The following ATXN1 variants were observed in gnomAD, a reference collection of about 807,000 sequenced individuals.
ATXN1 encodes ataxin 1.
Under a neutral mutation model 56.4 loss-of-function variants are expected in ATXN1, and 8 were observed. That is an observed-to-expected ratio of 0.14 (90% CI 0.08 to 0.26). ATXN1 has a LOEUF of 0.26. Among genes scored for constraint, ATXN1 ranks in the 10% least tolerant of loss-of-function variants. The probability of loss-of-function intolerance (pLI) is 1.00; values close to 1 mark genes in which losing one functional copy is unlikely to be tolerated. For missense variants in ATXN1, 987 were observed against 1,106.5 expected (o/e 0.89, Z 1.53); for synonymous variants, 514 against 494.6 (o/e 1.04, Z -0.52).
At chr6:16,616,563 A>T (rs1210215757) in intron 3 of ATXN1, among the ~76,000 whole-genome samples, 2 of 145,792 alleles carry the variant, frequency 1.4e-5, no homozygotes, top group African/African-American at 2.5e-5. Context: ...AATATATTTT[A>T]TATATAGTAT....
At chr6:16,595,952 CGA>C (rs1561771367) in intron 3 of ATXN1, among the ~76,000 whole-genome samples, 1 of 152,110 alleles carries the variant, frequency 6.6e-6, no homozygotes, top group African/African-American at 2.4e-5. Context: ...TAAACAGGAG[CGA>C]GAGACTTTCC....
At chr6:16,689,510 C>CTTTTTTTTTTTTTTTTTTTTTTTTTTT in intron 2 of ATXN1, among the ~76,000 whole-genome samples, 1 of 126,868 alleles carries the variant, frequency 7.9e-6, no homozygotes, top group African/African-American at 2.9e-5. Flanking sequence ...CTTTTTTTTT[C>CTTTTTTTTTTTTTTTTTTTTTTTTTTT]TTTTTTTTTT....
In ATXN1 at chr6:16,679,910, T is replaced by C. The variant is rs374028547; in HGVS notation, c.-614-22009A>G. 3.2e-3 allele frequency among the ~76,000 whole-genome samples: 492 copies of C among 152,336 alleles called. 7 individuals are homozygous for C. Among genetic ancestry groups the C allele is most frequent in the African/African-American group, 0.011 (466 of 41,584 alleles). On this transcript the variant is annotated intron_variant, in intron 2 of 7. Transcript: ENST00000436367. Reference sequence around the variant, plus strand: ...GTTAAAGGAACTGTAGGATCTCCTATTGAGTTCATAATGTGGTAATATTAA... The same window carrying C: ...GTTAAAGGAACTGTAGGATCTCCTACTGAGTTCATAATGTGGTAATATTAA...
At chr6:16,457,795 C>T (rs1365693364) in intron 6 of ATXN1, among the ~76,000 whole-genome samples, 1 of 152,176 alleles carries the variant, frequency 6.6e-6, no homozygotes, top group African/African-American at 2.4e-5. Flanking sequence ...TAATGATGAG[C>T]CTCCTCTAAT....
chr6:16,708,329 GAAAT>G (rs765505156), intron 2 of ATXN1, among the ~76,000 whole-genome samples: 13 of 151,708 alleles, frequency 8.6e-5, no homozygotes, highest in South Asian at 6.2e-4. Flanking sequence ...ACTATGAAGA[GAAAT>G]AAATAAATAA....
At chr6:16,502,336 A>C (rs528466804) in intron 5 of ATXN1, among the ~76,000 whole-genome samples, 29 of 152,346 alleles carry the variant, frequency 1.9e-4, no homozygotes, top group South Asian at 4.1e-4. Context: ...TACTTAAAAA[A>C]ATACACTTGA....
At chr6:16,582,992 T>C (rs1201400573) in intron 4 of ATXN1, among the ~76,000 whole-genome samples, 1 of 152,218 alleles carries the variant, frequency 6.6e-6, no homozygotes, top group Non-Finnish European at 1.5e-5. Context: ...TCCTGACCTA[T>C]ATTTGCTAAC....
intron 4 of ATXN1, among the ~76,000 whole-genome samples, chr6:16,562,063 G>A (rs961313414): frequency 3.3e-5 from 5 of 152,116 alleles, no homozygotes; most frequent in Non-Finnish European, 7.4e-5. Context: ...GAAAATAAAG[G>A]CAGATAAAGA....
intron 5 of ATXN1, among the ~76,000 whole-genome samples, chr6:16,491,062 C>G (rs903685265): frequency 4.7e-5 from 7 of 150,470 alleles, no homozygotes; most frequent in African/African-American, 1.7e-4. Context: ...TTGGATTTAG[C>G]CATGCCAGAA....
chr6:16,392,553 C>T (rs1024400075), intron 6 of ATXN1, among the ~76,000 whole-genome samples: 20 of 151,434 alleles, frequency 1.3e-4, no homozygotes, highest in East Asian at 3.9e-4. Flanking sequence ...TGGAGTGAAG[C>T]GGTGTAATCT....
intron 2 of ATXN1, among the ~76,000 whole-genome samples, chr6:16,676,973 C>T (rs1337344791): frequency 6.6e-6 from 1 of 152,036 alleles, no homozygotes; most frequent in Admixed American, 6.6e-5. Context: ...CAGATCTAGG[C>T]GTTTGTCTCA....
intron 4 of ATXN1, among the ~76,000 whole-genome samples, chr6:16,524,853 G>A (rs1407306879): frequency 1.3e-5 from 2 of 152,116 alleles, no homozygotes; most frequent in African/African-American, 4.8e-5. Context: ...AGGAGTTCAA[G>A]ACCAGCCTGG....
chr6:16,443,923 T>C (rs957458850), intron 6 of ATXN1, among the ~76,000 whole-genome samples: 7 of 152,136 alleles, frequency 4.6e-5, no homozygotes, highest in South Asian at 4.2e-4. Flanking sequence ...GAGACCATCC[T>C]GGCTAACACA....
At chr6:16,392,980 T>A (rs2113524181) in intron 6 of ATXN1, among the ~76,000 whole-genome samples, 1 of 152,302 alleles carries the variant, frequency 6.6e-6, no homozygotes. Flanking sequence ...GTAACTCTCA[T>A]AAGAGGTCAC....
intron 2 of ATXN1, among the ~76,000 whole-genome samples, chr6:16,666,182 T>C (rs1302822385): frequency 2.0e-5 from 3 of 152,220 alleles, no homozygotes; most frequent in African/African-American, 7.2e-5. Flanking sequence ...TTCTACTCTC[T>C]GTCTCCATGA....
rs116148844 is a variant in ATXN1 at position 16,470,205 on chromosome 6, G to A, written c.-161+15767C>T. On this transcript the variant is annotated intron_variant, in intron 6 of 7. Transcript: ENST00000436367. Reference sequence around the variant, plus strand: ...CACAGACAGACCTGAAGGACATTATGCTCAGTGAAATGAGCCAGGCACAAA... The same window carrying A: ...CACAGACAGACCTGAAGGACATTATACTCAGTGAAATGAGCCAGGCACAAA... 6.2e-3 allele frequency among the ~76,000 whole-genome samples: 948 copies of A among 152,240 alleles called. 5 individuals carry two copies. The highest frequency in any genetic ancestry group is 0.022 in the African/African-American group (896 of 41,544).
chr6:16,688,392 T>A (rs1050047754), intron 2 of ATXN1, among the ~76,000 whole-genome samples: 1 of 152,222 alleles, frequency 6.6e-6, no homozygotes, highest in Non-Finnish European at 1.5e-5. Flanking sequence ...AGTAGGGTTC[T>A]AAGCTCAACT....
chr6:16,543,056 G>A (rs1053155033), intron 4 of ATXN1, among the ~76,000 whole-genome samples: 9 of 152,110 alleles, frequency 5.9e-5, no homozygotes, highest in South Asian at 4.1e-4. Context: ...CACAGGGAAC[G>A]GAACACATTC....
chr6:16,544,230 C>T (rs1476137722), intron 4 of ATXN1, among the ~76,000 whole-genome samples: 2 of 152,224 alleles, frequency 1.3e-5, no homozygotes, highest in African/African-American at 2.4e-5. Context: ...CCTTTGACCT[C>T]AGAGGAATGT....
Sources: gnomAD v4.1 joint callset for allele counts (sites outside exome capture counted in the v4.1 genomes callset) on GRCh38, gnomAD v4.1.1 for gene constraint, MANE v1.5 for transcripts, NCBI Gene and HGNC (gene_info 2026-07-23, HGNC 2026-07-21) for gene names.